Variants in PLA2G4F observed in about 807,000 individuals in gnomAD.
The protein encoded by PLA2G4F is cytosolic phospholipase A2 zeta.
A neutral mutation model predicts 103.1 loss-of-function variants in PLA2G4F; 105 were observed. The ratio of observed to expected loss-of-function variants is 1.02; its 90% CI spans 0.87 to 1.20. The LOEUF is 1.20. PLA2G4F is among the 50% of genes most tolerant of loss of function. The probability of loss-of-function intolerance (pLI) is 0.00; values close to 1 mark genes in which losing one functional copy is unlikely to be tolerated. For synonymous variants in PLA2G4F, 468 were observed against 441.1 expected, an observed-to-expected ratio of 1.06 and a Z score of -0.76; for missense variants, 1,155 against 1,075.9, an observed-to-expected ratio of 1.07 and a Z score of -1.03.
intron 11 of PLA2G4F, chr15:42,148,979 G>A (rs887323610): frequency 3.5e-5 from 34 of 985,246 alleles, no homozygotes; most frequent in Admixed American, 1.2e-4. Context: ...CAGTGATAGC[G>A]TCTCCTGAGG....
chr15:42,147,832 G>A (rs2048910762), intron 11 of PLA2G4F, 70 bp from the exon 12 acceptor site: 1 of 1,582,138 alleles, frequency 6.3e-7, no homozygotes, highest in Non-Finnish European at 8.6e-7. Flanking sequence ...GCCTATACAT[G>A]TAGGACATTA....
intron 2 of PLA2G4F, among the ~76,000 whole-genome samples, chr15:42,155,032 TCA>T (rs1237754583): frequency 6.6e-6 from 1 of 151,640 alleles, no homozygotes; most frequent in Non-Finnish European, 1.5e-5. Flanking sequence ...TCGTACTCAG[TCA>T]CACACACTGG....
chr15:42,143,398 G>A (rs1042531257), intron 18 of PLA2G4F, among the ~76,000 whole-genome samples: 1 of 152,086 alleles, frequency 6.6e-6, no homozygotes, highest in Non-Finnish European at 1.5e-5. Context: ...ATCACAGAAG[G>A]TCCACGTCAG....
chr15:42,147,423 G>A (rs1203962304), intron 12 of PLA2G4F, 77 bp from the exon 13 acceptor site: 40 of 1,457,742 alleles, frequency 2.7e-5, no homozygotes, highest in Non-Finnish European at 3.6e-5. Context: ...GTCTGTGAGT[G>A]GCCCTCCACC....
rs1336746585 is a variant in PLA2G4F, at chr15:42,141,522, G to A, written c.*462C>T. 6.7e-6 allele frequency: 3 copies of A among 448,080 alleles called. No individual in the cohort carries two copies. The highest frequency in any genetic ancestry group is 1.4e-4 in the East Asian group (2 of 14,138). The allele number at this position is 448,080 out of a possible 1,614,324, so 27.8% of individuals were successfully genotyped here. ...GCATCCAGGAGCTCGAGGTGGGGTT[G>A]GGGCTTGGGCCGCTCTGCAGGAAGT... is the stretch of plus-strand genomic sequence containing the variant. On this transcript the variant is annotated 3_prime_UTR_variant, in exon 20 of 20. Transcript: ENST00000397272.
In PLA2G4F at chr15:42,146,207, G is replaced by T. The variant is rs149401636; in HGVS notation, c.1454C>A (p.Ala485Glu). The T allele has an allele frequency of 1.3e-5, 21 of 1,614,126 alleles. No individual in the cohort carries two copies. The highest frequency in any genetic ancestry group is 1.8e-5 in the Non-Finnish European group (21 of 1,180,042). Residue 485 changes from alanine to glutamate, a missense_variant, in exon 14 of 20, where the codon GCG becomes GAG. This residue lies in a region of PLA2G4F where 782 missense variants were observed against 692.9 expected (regional missense o/e 1.13). Transcript: ENST00000397272. ...NPAKLSDQQE[A>E]VRQGQNPYPI... ...GTAAGGGTTCTGACCCTGGCGGACC[G>T]CCTCCTGTTGGTCAGACAGCTTGGC...
At chr15:42,150,240 G>T (rs1409960148) in intron 9 of PLA2G4F, 99 bp from the exon 10 acceptor site, 109 of 1,570,010 alleles carry the variant, frequency 6.9e-5, no homozygotes, top group Non-Finnish European at 8.7e-5. Flanking sequence ...GCGATCTCTG[G>T]CCCGATGTGG....
At position 42,152,702 on chromosome 15, in the gene PLA2G4F, G is replaced by A. The variant is rs1319811864; in HGVS notation, c.587C>T (p.Pro196Leu). The change falls in exon 7 of 20, where the codon CCA becomes CTA. Residue 196 changes from proline to leucine, a missense_variant. Coordinates refer to ENST00000397272, the MANE Select transcript of PLA2G4F (RefSeq NM_213600.4). ...AGCAGACTCACCGTACTCTTCCCGT[G>A]GGGCTGTCCCATCTCCCCGGAGCGT... ...QGTLRGDGTA[P>L]REEYGSRQLQ... 5 of 1,556,942 alleles carry A rather than the reference G, an allele frequency of 3.2e-6. No individual in the cohort carries two copies. Among genetic ancestry groups the A allele is most frequent in the Non-Finnish European group, 3.5e-6 (4 of 1,149,688 alleles).
At chr15:42,142,504 TCC>T (rs1353796780) in intron 19 of PLA2G4F, 22 bp downstream of exon 19, 3 of 1,602,402 alleles carry the variant, frequency 1.9e-6, no homozygotes, top group Non-Finnish European at 2.6e-6. Context: ...TGTGGGTCAG[TCC>T]CAGGCCTGGA....
At chr15:42,148,687 G>A (rs2048919755) in intron 11 of PLA2G4F, 15 of 985,282 alleles carry the variant, frequency 1.5e-5, no homozygotes, top group Non-Finnish European at 1.8e-5. Flanking sequence ...CACCAAAGGT[G>A]CCCAGAGGTT....
At chr15:42,144,170 A>G (rs1194728743) in intron 17 of PLA2G4F, 26 bp from the exon 18 acceptor site, 1 of 1,583,486 alleles carries the variant, frequency 6.3e-7, no homozygotes, top group East Asian at 2.2e-5. Flanking sequence ...GTGTACGCAC[A>G]GGGACGAATG....
intron 13 of PLA2G4F, 32 bp from the exon 14 acceptor site, chr15:42,146,273 T>C (rs985058051): frequency 1.3e-6 from 2 of 1,596,000 alleles, no homozygotes; most frequent in Non-Finnish European, 1.7e-6. Context: ...CAGCTTGGCC[T>C]TTCAGGAGTT....
intron 17 of PLA2G4F, 125 bp downstream of exon 17, chr15:42,144,325 C>T: frequency 4.9e-6 from 7 of 1,425,422 alleles, no homozygotes; most frequent in Non-Finnish European, 6.7e-6. Flanking sequence ...AGTCGCTCCG[C>T]ATCAGCCCAT....
At position 42,144,141 on chromosome 15, in the gene PLA2G4F, G is replaced by A. The variant is rs778438527; in HGVS notation, c.1979C>T (p.Thr660Ile). The A allele has an allele frequency of 1.2e-5, 19 of 1,607,466 alleles. No homozygotes were observed. The highest frequency in any genetic ancestry group is 1.4e-5 in the Non-Finnish European group (17 of 1,177,246). The stretch of plus-strand genomic sequence containing the variant: ...CTGGTTGGGGAAGGCGTCCGGGTGT[G>A]TGTCTGCAAGGAACCCATGTGTACG... Reference protein sequence around the residue: ...AGREFVAWKDTHPDAFPNQLT... With the variant: ...AGREFVAWKDIHPDAFPNQLT... The change falls in exon 18 of 20, where the codon ACA (threonine) becomes ATA (isoleucine). Residue 660 changes from threonine to isoleucine, a missense_variant. By Grantham distance (89) the Thr-to-Ile change is moderately conservative. Coordinates refer to ENST00000397272, the MANE Select transcript of PLA2G4F (RefSeq NM_213600.4).
Position 42,150,616 on chromosome 15 carries a change from C to T in PLA2G4F, c.763G>A (p.Ala255Thr), listed in dbSNP as rs1454175837. 2.5e-6 allele frequency: 4 copies of T among 1,608,440 alleles called. 1 individual carries two copies. In the South Asian group the frequency reaches 4.4e-5, roughly 18 times the overall value. ...LHVELMELLA[A>T]VQSGPSAELE... is the part of the protein sequence containing the mutation. ...CCTGGCGGCGCACTCACCTGCACAGCTGCCAGCAGCTCCATCAGCTCCACG... is the reference window on the plus strand; with the variant it reads ...CCTGGCGGCGCACTCACCTGCACAGTTGCCAGCAGCTCCATCAGCTCCACG... Residue 255 changes from alanine to threonine, a missense_variant, in exon 8 of 20, where the codon GCT becomes ACT. By Grantham distance (58) the Ala-to-Thr change is moderately conservative. Coordinates refer to ENST00000397272, the MANE Select transcript of PLA2G4F (RefSeq NM_213600.4).
Position 42,141,981 on chromosome 15 carries a change from TGGTCAGGCCCCTGCCCTCTCCC to T in PLA2G4F, c.2531_*2del. ...TGTCACAGTCCTCCGCTTCCTGCCT[TGGTCAGGCCCCTGCCCTCTCCC>T]GAGCCTGGTGCCGGTCCAGAGCCAG... On this transcript the variant is annotated stop_lost and 3_prime_UTR_variant, in exon 20 of 20. Transcript: ENST00000397272. 1 of 1,612,486 alleles carries T rather than the reference TGGTCAGGCCCCTGCCCTCTCCC, an allele frequency of 6.2e-7. No homozygotes were observed. Among genetic ancestry groups the T allele is most frequent in the Non-Finnish European group, 8.5e-7 (1 of 1,179,228 alleles).
intron 18 of PLA2G4F, among the ~76,000 whole-genome samples, 172 bp from the exon 19 acceptor site, chr15:42,142,886 T>A (rs575498355): frequency 2.6e-5 from 4 of 152,092 alleles, no homozygotes; most frequent in East Asian, 1.9e-4. Context: ...AAATAAAAAA[T>A]TTTTAAACTT....
In PLA2G4F at chr15:42,144,019, G is replaced by C. The variant is rs764335284; in HGVS notation, c.2101C>G (p.Leu701Val). 2.5e-6 allele frequency: 4 copies of C among 1,613,636 alleles called. No homozygotes were observed. The highest frequency in any genetic ancestry group is 2.5e-6 in the Non-Finnish European group (3 of 1,179,794). ...LALLPQRAVD[L>V]ILSFDYSLEA... Reference sequence around the variant, plus strand: ...AAGGAATAGTCAAAGGACAGAATGAGGTCCACTGCTCTCTGAGGCAGCAGA... The same window carrying C: ...AAGGAATAGTCAAAGGACAGAATGACGTCCACTGCTCTCTGAGGCAGCAGA... The change falls in exon 18 of 20, where the codon CTC becomes GTC. Residue 701 changes from leucine (L) to valine (V), a missense_variant. Physicochemically the swap from Leu to Val is conservative, Grantham distance 32 (BLOSUM62 1). Around this residue, in one of 3 missense-constraint regions of PLA2G4F, gnomAD observed 782 missense variants for 692.9 expected, o/e 1.13. Coordinates refer to ENST00000397272, the MANE Select transcript of PLA2G4F (RefSeq NM_213600.4).
intron 4 of PLA2G4F, 124 bp downstream of exon 4, chr15:42,153,968 T>C: frequency 1.4e-6 from 2 of 1,443,134 alleles, no homozygotes; most frequent in South Asian, 1.3e-5. Flanking sequence ...GGGTCAGGGC[T>C]GCGGGGTGGA....
Sources: gnomAD v4.1 joint callset for allele counts (sites outside exome capture counted in the v4.1 genomes callset) on GRCh38, gnomAD v4.1.1 for gene constraint, gnomAD v4.1.1 regional missense constraint, MANE v1.5 for transcripts, NCBI Gene and HGNC (gene_info 2026-07-23, HGNC 2026-07-21) for gene names.